Variants in MIPOL1 observed in about 807,000 individuals in gnomAD.
The protein encoded by MIPOL1 is mirror-image polydactyly gene 1 protein.
MIPOL1 carries 57 observed loss-of-function variants against 60.9 expected under a neutral mutation model. That is an observed-to-expected ratio of 0.94 (90% CI 0.76 to 1.17). MIPOL1 has a LOEUF of 1.17. Among genes scored for constraint, MIPOL1 ranks in the 50% most tolerant of loss-of-function variants. The pLI, the probability that MIPOL1 is intolerant of heterozygous loss-of-function variation, is 0.00. For missense variants in MIPOL1, 551 were observed against 511.6 expected, an observed-to-expected ratio of 1.08 and a Z score of -0.74; for synonymous variants, 179 against 168.8, an observed-to-expected ratio of 1.06 and a Z score of -0.47.
intron 11 of MIPOL1, among the ~76,000 whole-genome samples, chr14:37,464,886 GT>G (rs1351135750): frequency 1.3e-5 from 2 of 151,990 alleles, no homozygotes; most frequent in South Asian, 2.1e-4. Context: ...ACAAATTTTT[GT>G]TTTTTTATTT....
intron 10 of MIPOL1, among the ~76,000 whole-genome samples, chr14:37,409,888 A>G (rs2093653365): frequency 1.3e-5 from 2 of 152,226 alleles, no homozygotes; most frequent in Non-Finnish European, 2.9e-5. Flanking sequence ...AAATATTAAG[A>G]GATTTACAGT....
chr14:37,416,158 T>C (rs1022850967), intron 10 of MIPOL1, among the ~76,000 whole-genome samples: 1 of 152,214 alleles, frequency 6.6e-6, no homozygotes, highest in Non-Finnish European at 1.5e-5. Context: ...TTATAAATTC[T>C]GGTATTGGTT....
chr14:37,406,457 G>T (rs559169171), intron 10 of MIPOL1, among the ~76,000 whole-genome samples: 36 of 152,222 alleles, frequency 2.4e-4, no homozygotes, highest in Admixed American at 2.2e-3. Flanking sequence ...GGCATGTAGA[G>T]AAATGTTTAC....
intron 3 of MIPOL1, among the ~76,000 whole-genome samples, chr14:37,256,205 A>C (rs1974895426): frequency 6.6e-6 from 1 of 152,002 alleles, no homozygotes; most frequent in South Asian, 2.1e-4. Flanking sequence ...GAAAATTCAA[A>C]ATTTTCAGAT....
intron 1 of MIPOL1, among the ~76,000 whole-genome samples, chr14:37,241,861 A>C (rs1476474032): frequency 6.6e-6 from 1 of 152,166 alleles, no homozygotes; most frequent in Non-Finnish European, 1.5e-5. Flanking sequence ...AATTCTCAGA[A>C]ACTCTTTCTT....
chr14:37,311,660 A>G (rs180873001), intron 9 of MIPOL1, among the ~76,000 whole-genome samples: 50 of 152,288 alleles, frequency 3.3e-4, no homozygotes, highest in African/African-American at 1.2e-3. Flanking sequence ...TTGTTGGAAT[A>G]GTTTTAGATT....
intron 3 of MIPOL1, among the ~76,000 whole-genome samples, chr14:37,261,818 G>T (rs2082535232): frequency 6.6e-6 from 1 of 152,066 alleles, no homozygotes; most frequent in South Asian, 2.1e-4. Flanking sequence ...ATTGATGAAA[G>T]GTTAAATATT....
intron 12 of MIPOL1, among the ~76,000 whole-genome samples, chr14:37,514,999 G>A (rs1002798351): frequency 8.5e-5 from 13 of 152,154 alleles, no homozygotes; most frequent in African/African-American, 2.9e-4. Flanking sequence ...TCCGTAATTG[G>A]TTATTTATCC....
chr14:37,477,455 T>G (rs2094794650), intron 11 of MIPOL1, among the ~76,000 whole-genome samples: 1 of 152,174 alleles, frequency 6.6e-6, no homozygotes, highest in South Asian at 2.1e-4. Context: ...GTAGTTTGTG[T>G]CTTTCACAGA....
intron 9 of MIPOL1, among the ~76,000 whole-genome samples, chr14:37,356,468 A>T (rs2091838993): frequency 6.6e-6 from 1 of 152,024 alleles, no homozygotes; most frequent in Admixed American, 6.5e-5. Flanking sequence ...TTGTTTCCCT[A>T]AGCAAGCCTG....
At chr14:37,231,327 G>A (rs2153314779) in intron 1 of MIPOL1, among the ~76,000 whole-genome samples, 1 of 152,164 alleles carries the variant, frequency 6.6e-6, no homozygotes, top group East Asian at 1.9e-4. Context: ...GCCTCAAGCA[G>A]GACTCCTGCT....
downstream of MIPOL1, chr14:37,551,804 G>A (rs1414236167): frequency 2.7e-5 from 4 of 150,770 alleles, no homozygotes; most frequent in East Asian, 2.0e-4. Flanking sequence ...GCGTGAACCC[G>A]GAAGGCAGAG....
intron 12 of MIPOL1, among the ~76,000 whole-genome samples, chr14:37,511,401 A>C (rs1469186338): frequency 6.6e-6 from 1 of 152,200 alleles, no homozygotes; most frequent in Non-Finnish European, 1.5e-5. Flanking sequence ...GGTTTTGGAC[A>C]GAGTGGTTAT....
chr14:37,358,123 A>C (rs1228650319), intron 9 of MIPOL1, among the ~76,000 whole-genome samples: 1 of 152,022 alleles, frequency 6.6e-6, no homozygotes, highest in Non-Finnish European at 1.5e-5. Context: ...ATTTGCTGAG[A>C]ATGATGGTTT....
intron 10 of MIPOL1, among the ~76,000 whole-genome samples, chr14:37,402,894 C>T (rs1416096314): frequency 2.0e-5 from 3 of 152,140 alleles, no homozygotes; most frequent in Non-Finnish European, 2.9e-5. Flanking sequence ...GAGAGGGCAG[C>T]CCTCTTGCTT....
intron 11 of MIPOL1, among the ~76,000 whole-genome samples, chr14:37,490,800 A>G (rs776292093): frequency 2.7e-4 from 41 of 152,112 alleles, no homozygotes; most frequent in African/African-American, 7.7e-4. Flanking sequence ...GTCAGTCCCA[A>G]TGAGATGAAC....
At chr14:37,272,344 G>A (rs1245627482) in intron 6 of MIPOL1, among the ~76,000 whole-genome samples, 1 of 151,550 alleles carries the variant, frequency 6.6e-6, no homozygotes, top group Admixed American at 6.6e-5. Context: ...ATTTTAAGAA[G>A]AGACTTAAAG....
At chr14:37,308,872 A>G (rs942713914) in intron 9 of MIPOL1, among the ~76,000 whole-genome samples, 7 of 152,208 alleles carry the variant, frequency 4.6e-5, no homozygotes, top group Non-Finnish European at 7.4e-5. Flanking sequence ...GACTATGTCT[A>G]TATTACTGTT....
chr14:37,490,696 AG>A (rs2095035321), intron 11 of MIPOL1, among the ~76,000 whole-genome samples: 1 of 152,098 alleles, frequency 6.6e-6, no homozygotes, highest in Admixed American at 6.5e-5. Context: ...TCCCTTGGGT[AG>A]GGAAGAGAAT....
Sources: gnomAD v4.1 joint callset for allele counts (sites outside exome capture counted in the v4.1 genomes callset) on GRCh38, gnomAD v4.1.1 for gene constraint, MANE v1.5 for transcripts, NCBI Gene and HGNC (gene_info 2026-07-23, HGNC 2026-07-21) for gene names.